CTNNBIP1: variants seen among roughly 807,000 people sequenced by gnomAD.
CTNNBIP1 encodes catenin beta interacting protein 1.
In CTNNBIP1, 7 loss-of-function variants were observed where a neutral mutation model predicts 11.8. The ratio of observed to expected loss-of-function variants is 0.60; its 90% confidence interval spans 0.34 to 1.12. The LOEUF is 1.12. CTNNBIP1 is among the 50% of genes most tolerant of loss of function. The pLI is 0.03. For missense variants in CTNNBIP1, 101 were observed against 113.4 expected (o/e 0.89, Z 0.50); for synonymous variants, 58 against 43.9 (o/e 1.32, Z -1.26).
At chr1:9,863,688 G>A (rs976160279) in intron 5 of CTNNBIP1, among the ~76,000 whole-genome samples, 3 of 152,242 alleles carry the variant, frequency 2.0e-5, no homozygotes, top group Non-Finnish European at 4.4e-5. Flanking sequence ...CCAACATAAG[G>A]TGGTAAGACT....
intron 1 of CTNNBIP1, among the ~76,000 whole-genome samples, chr1:9,884,138 C>T (rs991548280): frequency 5.3e-5 from 8 of 152,032 alleles, no homozygotes; most frequent in Non-Finnish European, 1.0e-4. Context: ...GTACAAGGGA[C>T]CCAACAGCTG....
intron 5 of CTNNBIP1, among the ~76,000 whole-genome samples, chr1:9,866,737 G>A (rs75121926): frequency 0.016 from 2,463 of 151,456 alleles, 58 homozygotes; most frequent in African/African-American, 0.055. Flanking sequence ...GCCTCCAAAA[G>A]TCTCTCCAGC....
rs1333492015 is a variant in CTNNBIP1 at position 9,867,495 on chromosome 1, GGGCTAAAGGTGGC to G, written c.187+3679_187+3691del. The stretch of plus-strand genomic sequence containing the variant: ...CAGCCCTGGAGGGGAAGCATGTGCA[GGGCTAAAGGTGGC>G]GGCCAGACCCTCAGGACCAAGGTCG... On this transcript the variant is annotated intron_variant, in intron 5 of 5. Transcript: ENST00000377263. This position sits in a 1 kb window ranked among gnomAD's most constrained non-coding sequence, Gnocchi z 4.6. Among the ~76,000 whole-genome samples, 1 of 152,210 alleles carries G rather than the reference GGGCTAAAGGTGGC, an allele frequency of 6.6e-6. No homozygotes were observed. Among genetic ancestry groups the G allele is most frequent in the African/African-American group, 2.4e-5 (1 of 41,462 alleles).
At chr1:9,893,621 A>C (rs543995838) in intron 1 of CTNNBIP1, among the ~76,000 whole-genome samples, 1 of 152,360 alleles carries the variant, frequency 6.6e-6, no homozygotes, top group South Asian at 2.1e-4. Flanking sequence ...GCTTATCTCA[A>C]GGGTCACTGG....
chr1:9,895,285 G>A (rs1048263870), intron 1 of CTNNBIP1, among the ~76,000 whole-genome samples: 2 of 151,652 alleles, frequency 1.3e-5, no homozygotes, highest in Non-Finnish European at 2.9e-5. Context: ...TGCAACCTCC[G>A]CCTCCTGGGT....
intron 5 of CTNNBIP1, among the ~76,000 whole-genome samples, chr1:9,870,324 C>T (rs1000585928): frequency 6.6e-6 from 1 of 152,222 alleles, no homozygotes; most frequent in African/African-American, 2.4e-5. Flanking sequence ...AGATGCTGGT[C>T]AGAATACTAG....
chr1:9,863,789 T>C (rs1638684089), intron 5 of CTNNBIP1, among the ~76,000 whole-genome samples: 1 of 152,140 alleles, frequency 6.6e-6, no homozygotes. Flanking sequence ...AAGGCTGTTA[T>C]GGGGGATTCC....
intron 1 of CTNNBIP1, among the ~76,000 whole-genome samples, chr1:9,902,000 C>T (rs889367796): frequency 4.6e-5 from 7 of 152,330 alleles, no homozygotes; most frequent in Middle Eastern, 3.4e-3. Context: ...GAGAGAGGAA[C>T]ACTGTGTGCT....
intron 1 of CTNNBIP1, among the ~76,000 whole-genome samples, chr1:9,891,160 G>T (rs1017256377): frequency 1.3e-5 from 2 of 151,816 alleles, no homozygotes; most frequent in Non-Finnish European, 2.9e-5. Context: ...TGGCGGGGGT[G>T]GGGGGCACTC....
chr1:9,890,803 G>A (rs1239113351), intron 1 of CTNNBIP1, among the ~76,000 whole-genome samples: 3 of 152,154 alleles, frequency 2.0e-5, no homozygotes, highest in South Asian at 4.1e-4. Flanking sequence ...GTAGAGGAAC[G>A]CTTTTTCTCT....
intron 5 of CTNNBIP1, among the ~76,000 whole-genome samples, chr1:9,860,514 G>A (rs1222983949): frequency 2.7e-5 from 4 of 150,478 alleles, no homozygotes; most frequent in African/African-American, 9.8e-5. Flanking sequence ...GGAAGCTGAG[G>A]CAGGAGAGTC....
intron 1 of CTNNBIP1, among the ~76,000 whole-genome samples, chr1:9,901,621 C>T (rs2101544619): frequency 6.6e-6 from 1 of 152,282 alleles, no homozygotes; most frequent in East Asian, 1.9e-4. Context: ...GGAGCTGGCT[C>T]TCAAAGCCTC....
At chr1:9,881,614 T>C (rs574970226) in intron 2 of CTNNBIP1, among the ~76,000 whole-genome samples, 1 of 151,878 alleles carries the variant, frequency 6.6e-6, no homozygotes, top group Non-Finnish European at 1.5e-5. Flanking sequence ...GCTGGGATTA[T>C]AGGCATGAGC....
Position 9,883,906 on chromosome 1 carries a change from G to T in CTNNBIP1, c.-143-168C>A, listed in dbSNP as rs1639132401. ...AACGGTGCTGGGGGAGCTCAGGGGA[G>T]GTCACCACCCAAACAGTCAAGGAGG... is the stretch of plus-strand genomic sequence containing the variant. On this transcript the variant is annotated intron_variant, in intron 1 of 5. Transcript: ENST00000377263. The surrounding 1 kb of genome is among the most constrained non-coding windows in gnomAD (Gnocchi z 5.6). 6.6e-6 allele frequency among the ~76,000 whole-genome samples: 1 copy of T among 152,148 alleles called. No individual in the cohort carries two copies. Among genetic ancestry groups the T allele is most frequent in the Non-Finnish European group, 1.5e-5 (1 of 68,030 alleles).
At chr1:9,888,734 C>T (rs2101522446) in intron 1 of CTNNBIP1, among the ~76,000 whole-genome samples, 1 of 152,242 alleles carries the variant, frequency 6.6e-6, no homozygotes, top group African/African-American at 2.4e-5. Context: ...GGCTACAGGT[C>T]TGCTGCCGTG....
intron 5 of CTNNBIP1, among the ~76,000 whole-genome samples, chr1:9,856,166 A>C (rs1023708411): frequency 5.3e-5 from 8 of 152,102 alleles, no homozygotes; most frequent in African/African-American, 1.9e-4. Context: ...AATAAGAAAT[A>C]AATAAATAAA....
chr1:9,860,396 G>C (rs1005920446), intron 5 of CTNNBIP1, among the ~76,000 whole-genome samples: 9 of 131,284 alleles, frequency 6.9e-5, no homozygotes, highest in Admixed American at 1.7e-4. Context: ...TTCAAGACCA[G>C]CCTGGCCAAC....
chr1:9,863,900 C>T (rs1638686447), intron 5 of CTNNBIP1, among the ~76,000 whole-genome samples: 1 of 152,332 alleles, frequency 6.6e-6, no homozygotes, highest in Non-Finnish European at 1.5e-5. Flanking sequence ...GAGCAGAGAG[C>T]TGCCTCCCTC....
chr1:9,884,071 G>C (rs923244282), intron 1 of CTNNBIP1, among the ~76,000 whole-genome samples: 6 of 152,158 alleles, frequency 3.9e-5, no homozygotes, highest in East Asian at 3.8e-4. Context: ...CCCGTGGAAG[G>C]GGGAGGGCAC....
Sources: gnomAD v4.1 joint callset for allele counts (sites outside exome capture counted in the v4.1 genomes callset) on GRCh38, gnomAD v4.1.1 for gene constraint, Gnocchi (gnomAD v3.1) non-coding constraint, MANE v1.5 for transcripts, NCBI Gene and HGNC (gene_info 2026-07-23, HGNC 2026-07-21) for gene names.